PRKAR1B: variants seen among roughly 807,000 people sequenced by gnomAD.
PRKAR1B encodes cAMP-dependent protein kinase type I-beta regulatory subunit.
A neutral mutation model predicts 46.5 loss-of-function variants in PRKAR1B; 22 were observed. That is an observed-to-expected ratio of 0.47 (90% CI 0.34 to 0.68). PRKAR1B has a LOEUF of 0.68. Among genes scored for constraint, PRKAR1B ranks in the 30% least tolerant of loss-of-function variants. PRKAR1B has a pLI of 0.01. For missense variants in PRKAR1B, 445 were observed against 535.6 expected (o/e 0.83, Z 1.67); for synonymous variants, 259 against 217.7 (o/e 1.19, Z -1.67).
At chr7:569,352 T>C (rs773274947) in intron 9 of PRKAR1B, among the ~76,000 whole-genome samples, 8 of 152,214 alleles carry the variant, frequency 5.3e-5, no homozygotes, top group Non-Finnish European at 1.2e-4. Context: ...GAAAGGCAAG[T>C]GAAGACGTCC....
chr7:609,176 C>T (rs1009573346), intron 4 of PRKAR1B, among the ~76,000 whole-genome samples: 4 of 152,146 alleles, frequency 2.6e-5, no homozygotes, highest in Non-Finnish European at 4.4e-5. Context: ...GGGACATTTC[C>T]TGGCCACGGC....
chr7:576,580 G>A (rs760821108), intron 9 of PRKAR1B, among the ~76,000 whole-genome samples: 13 of 151,930 alleles, frequency 8.6e-5, no homozygotes, highest in South Asian at 2.1e-4. Context: ...ACTCAGGTCC[G>A]GGAACCCCAA....
intron 4 of PRKAR1B, among the ~76,000 whole-genome samples, chr7:660,692 A>G (rs1408811677): frequency 9.2e-5 from 9 of 97,490 alleles, no homozygotes; most frequent in Non-Finnish European, 1.6e-4. Flanking sequence ...TCCCCACCCC[A>G]ACAAATCCAA....
At chr7:605,739 G>A (rs1040944946) in intron 6 of PRKAR1B, among the ~76,000 whole-genome samples, 11 of 152,158 alleles carry the variant, frequency 7.2e-5, no homozygotes, top group Non-Finnish European at 1.6e-4. Flanking sequence ...CCAAACGCAG[G>A]CGCAAAAGGC....
chr7:607,049 G>A (rs892448565), intron 5 of PRKAR1B, among the ~76,000 whole-genome samples: 4 of 151,916 alleles, frequency 2.6e-5, no homozygotes, highest in Admixed American at 1.3e-4. Context: ...TATCACCTAG[G>A]CTAGAGTGCA....
intron 2 of PRKAR1B, 42 bp downstream of exon 2, chr7:711,287 G>C: frequency 6.2e-7 from 1 of 1,608,588 alleles, no homozygotes; most frequent in Non-Finnish European, 8.5e-7. Context: ...TCTGCCCCAG[G>C]ACACGTGCGA....
intron 4 of PRKAR1B, among the ~76,000 whole-genome samples, chr7:653,334 C>T (rs967203513): frequency 1.3e-5 from 2 of 152,194 alleles, no homozygotes; most frequent in African/African-American, 4.8e-5. Context: ...CTGTACTTTG[C>T]AGCAGCAGCC....
In PRKAR1B at chr7:667,047, GTGA is replaced by G. The variant is rs1222215791; in HGVS notation, c.440+10179_440+10181del. Among the ~76,000 whole-genome samples the G allele has an allele frequency of 6.6e-6, 1 of 151,584 alleles. No individual in the cohort carries two copies. The highest frequency in any genetic ancestry group is 2.4e-5 in the African/African-American group (1 of 41,192). ...GGTGATGGTGATGATGATAATGATG[GTGA>G]TGATGACAGTGATGATGGTGATGGT... On this transcript the variant is annotated intron_variant, in intron 4 of 10. Transcript: ENST00000537384. The surrounding 1 kb of genome is among the most constrained non-coding windows in gnomAD (Gnocchi z 4.3).
chr7:575,400 G>A (rs973934889), intron 9 of PRKAR1B, among the ~76,000 whole-genome samples: 3 of 152,230 alleles, frequency 2.0e-5, no homozygotes, highest in African/African-American at 7.2e-5. Flanking sequence ...GGAGCACCCA[G>A]TCTTGGGTAA....
At position 684,268 on chromosome 7, in the gene PRKAR1B, C is replaced by T. The variant is rs369340571; in HGVS notation, c.178-3542G>A. On this transcript the variant is annotated intron_variant, in intron 2 of 10. Coordinates refer to ENST00000537384, the MANE Select transcript of PRKAR1B (RefSeq NM_001164760.2). ...ACCTATCAGATGCTAATTGCCCAGC[C>T]GGGAAGACGCTGAGTACACGGGGAT... 1.9e-4 allele frequency among the ~76,000 whole-genome samples: 29 copies of T among 152,328 alleles called. No homozygotes were observed. In the East Asian group the frequency reaches 5.4e-3, roughly 28 times the overall value.
At chr7:568,510 C>T (rs1331004737) in intron 9 of PRKAR1B, among the ~76,000 whole-genome samples, 2 of 152,256 alleles carry the variant, frequency 1.3e-5, no homozygotes, top group African/African-American at 4.8e-5. Context: ...GCGGACTTCC[C>T]AGAAGGACCA....
At chr7:679,974 C>G (rs959429105) in intron 3 of PRKAR1B, among the ~76,000 whole-genome samples, 1 of 152,028 alleles carries the variant, frequency 6.6e-6, no homozygotes, top group Admixed American at 6.6e-5. Flanking sequence ...CTGGCTAACA[C>G]AGTGAAACCC....
rs1485352557 is a variant in PRKAR1B at position 579,386 on chromosome 7, G to A, written c.770-9C>T. 6.2e-7 allele frequency: 1 copy of A among 1,612,952 alleles called. No individual in the cohort carries two copies. Among genetic ancestry groups the A allele is most frequent in the East Asian group, 2.2e-5 (1 of 44,882 alleles). ...CCACTTCTCCAGGGACTCTGTCGGGGGAGGATGAGGACAGGTCATCCCGGG... is the reference window on the plus strand; with the variant it reads ...CCACTTCTCCAGGGACTCTGTCGGGAGAGGATGAGGACAGGTCATCCCGGG... On this transcript the variant is annotated splice_polypyrimidine_tract_variant and intron_variant, in intron 8 of 10. Transcript: ENST00000537384.
intron 4 of PRKAR1B, chr7:608,547 G>C (rs1340495382): frequency 1.3e-5 from 2 of 152,544 alleles, no homozygotes; most frequent in Non-Finnish European, 2.9e-5. Flanking sequence ...CAACTTCCCT[G>C]GCAACTCAGT....
At chr7:579,460 C>T (rs1378975358) in intron 8 of PRKAR1B, 83 bp from the exon 9 acceptor site, 18 of 1,558,606 alleles carry the variant, frequency 1.2e-5, no homozygotes, top group African/African-American at 4.0e-5. Context: ...CCGCTCTTCC[C>T]GAAAGGTGTC....
At chr7:664,688 C>T (rs1000805075) in intron 4 of PRKAR1B, among the ~76,000 whole-genome samples, 8 of 151,866 alleles carry the variant, frequency 5.3e-5, no homozygotes, top group South Asian at 4.2e-4. Flanking sequence ...GCCAGAGGAT[C>T]GCTTGAGCCC....
intron 9 of PRKAR1B, among the ~76,000 whole-genome samples, chr7:552,856 C>T (rs955969383): frequency 2.6e-5 from 4 of 152,236 alleles, no homozygotes; most frequent in African/African-American, 4.8e-5. Context: ...GGGAGGGGGG[C>T]GCTGTCTCAG....
At chr7:600,225 C>T (rs1341977685) in intron 6 of PRKAR1B, among the ~76,000 whole-genome samples, 3 of 152,222 alleles carry the variant, frequency 2.0e-5, no homozygotes, top group East Asian at 3.8e-4. Flanking sequence ...TAAAGTAGGG[C>T]CGAGGGCAGT....
intron 1 of PRKAR1B, among the ~76,000 whole-genome samples, chr7:718,959 C>A (rs1432804765): frequency 2.7e-5 from 4 of 148,180 alleles, no homozygotes; most frequent in Admixed American, 6.8e-5. Context: ...GCAGCCTCAA[C>A]CTTCCTGGCC....
Sources: gnomAD v4.1 joint callset for allele counts (sites outside exome capture counted in the v4.1 genomes callset) on GRCh38, gnomAD v4.1.1 for gene constraint, Gnocchi (gnomAD v3.1) non-coding constraint, MANE v1.5 for transcripts, NCBI Gene and HGNC (gene_info 2026-07-23, HGNC 2026-07-21) for gene names.